DNAH9: variants seen among roughly 807,000 people sequenced by gnomAD.
The protein encoded by DNAH9 is DNAH9 variant protein.
Under a neutral mutation model 471.6 loss-of-function variants are expected in DNAH9, and 345 were observed. The ratio of observed to expected loss-of-function variants is 0.73; its 90% CI spans 0.67 to 0.80. The LOEUF is 0.80. DNAH9 is among the 30% of genes least tolerant of loss of function. The pLI is 0.00. For synonymous variants in DNAH9, 2,093 were observed against 2,123.6 expected (o/e 0.99, Z 0.40); for missense variants, 5,407 against 5,609.2 (o/e 0.96, Z 1.15).
intron 38 of DNAH9, 142 bp from the exon 39 acceptor site, chr17:11,780,867 C>T: frequency 1.2e-6 from 1 of 816,096 alleles, no homozygotes; most frequent in South Asian, 1.8e-5. Flanking sequence ...GCAGCAGTAG[C>T]TGTTATTATT....
At chr17:11,704,531 C>A in intron 25 of DNAH9, 89 bp downstream of exon 25, 1 of 1,275,796 alleles carries the variant, frequency 7.8e-7, no homozygotes, top group Non-Finnish European at 1.1e-6. Flanking sequence ...GCCCCAGGGT[C>A]TGTACAGCAC....
rs1170792765 is a variant in DNAH9, at chr17:11,854,318, T to C, written c.9823T>C (p.Phe3275Leu). ...LCSWVINIVR[F>L]YEVFCDVEPK... is the part of the protein sequence containing the mutation. ...CTCCTGGGTCATCAATATTGTGAGA[T>C]TTTATGAGGTGTTCTGTGATGTGGA... The change falls in exon 50 of 69, where the codon TTT (phenylalanine) becomes CTT (leucine). Residue 3275 changes from phenylalanine to leucine, a missense_variant. Coordinates refer to ENST00000262442, the MANE Select transcript of DNAH9 (RefSeq NM_001372.4). 1.9e-6 allele frequency: 3 copies of C among 1,614,036 alleles called. No individual in the cohort carries two copies. The highest frequency in any genetic ancestry group is 1.6e-4 in the Middle Eastern group (1 of 6,062).
intron 50 of DNAH9, among the ~76,000 whole-genome samples, chr17:11,859,852 A>T (rs1483152873): frequency 1.3e-5 from 2 of 152,126 alleles, no homozygotes; most frequent in Non-Finnish European, 2.9e-5. Context: ...CGCCCCCATG[A>T]TCCAATCACC....
intron 34 of DNAH9, among the ~76,000 whole-genome samples, chr17:11,756,999 C>T (rs2150858957): frequency 6.6e-6 from 1 of 152,182 alleles, no homozygotes; most frequent in Non-Finnish European, 1.5e-5. Context: ...TTTCATCTGT[C>T]TCCACTGAAC....
chr17:11,693,371 C>T (rs1023831952), intron 20 of DNAH9, among the ~76,000 whole-genome samples: 1 of 151,244 alleles, frequency 6.6e-6, no homozygotes, highest in Non-Finnish European at 1.5e-5. Flanking sequence ...ATGCCTCAGC[C>T]TCCCGAGTAG....
chr17:11,795,661 A>G (rs1031175447), intron 42 of DNAH9, among the ~76,000 whole-genome samples: 3 of 152,224 alleles, frequency 2.0e-5, no homozygotes, highest in Admixed American at 1.3e-4. Context: ...TTCTCTGAGC[A>G]TCATAGAGTT....
chr17:11,854,336 G>A lies in DNAH9; in HGVS notation c.9841G>A (p.Asp3281Asn), dbSNP rs1971543472. Residue 3281 changes from aspartate (D) to asparagine (N), a missense_variant, in exon 50 of 69, where the codon GAT (aspartate) becomes AAT (asparagine). By Grantham distance (23) the Asp-to-Asn change is conservative (BLOSUM62 1). Around this residue, in one of 3 missense-constraint regions of DNAH9, gnomAD observed 4,636 missense variants for 4,900.3 expected, o/e 0.95. Transcript: ENST00000262442. The part of the protein sequence containing the change: ...NIVRFYEVFC[D>N]VEPKRQALNK... ...TGTGAGATTTTATGAGGTGTTCTGT[G>A]ATGTGGAACCCAAGCGCCAGGCACT... The A allele has an allele frequency of 6.2e-7, 1 of 1,613,974 alleles. No homozygotes were observed. Among genetic ancestry groups the A allele is most frequent in the African/African-American group, 1.3e-5 (1 of 74,888 alleles).
intron 29 of DNAH9, among the ~76,000 whole-genome samples, chr17:11,740,156 C>T (rs1204782397): frequency 6.6e-6 from 1 of 152,178 alleles, no homozygotes; most frequent in Non-Finnish European, 1.5e-5. Context: ...CATTGTTGAC[C>T]ATTTGTTTCT....
intron 53 of DNAH9, among the ~76,000 whole-genome samples, chr17:11,878,080 C>A (rs1457851529): frequency 6.6e-6 from 1 of 152,138 alleles, no homozygotes; most frequent in East Asian, 1.9e-4. Flanking sequence ...AGTAATCCAA[C>A]CCTGGCCTTC....
intron 18 of DNAH9, 58 bp downstream of exon 18, chr17:11,680,037 G>T (rs983302829): frequency 7.0e-7 from 1 of 1,419,880 alleles, no homozygotes; most frequent in South Asian, 1.2e-5. Context: ...TAGGATTTCA[G>T]AATGGGGTAA....
At chr17:11,665,058 T>C in intron 15 of DNAH9, 90 bp downstream of exon 15, 1 of 1,219,114 alleles carries the variant, frequency 8.2e-7, no homozygotes, top group South Asian at 1.4e-5. Flanking sequence ...CTGAGTGCTC[T>C]GTGACTTTTC....
intron 4 of DNAH9, 106 bp downstream of exon 4, chr17:11,611,886 T>C (rs1376140517): frequency 1.8e-6 from 2 of 1,140,516 alleles, no homozygotes; most frequent in Non-Finnish European, 2.6e-6. Context: ...TCCTTGTAAA[T>C]TTCCGACCCG....
At chr17:11,929,676 G>A (rs1033014533) in intron 62 of DNAH9, among the ~76,000 whole-genome samples, 190 bp from the exon 63 acceptor site, 1 of 152,334 alleles carries the variant, frequency 6.6e-6, no homozygotes, top group East Asian at 1.9e-4. Flanking sequence ...GTGAGTGCAC[G>A]TAACGCCATT....
In DNAH9 at chr17:11,891,964, G is replaced by T. The variant is rs758616022; in HGVS notation, c.11283+17G>T. 1.2e-6 allele frequency: 2 copies of T among 1,608,936 alleles called. No individual in the cohort carries two copies. The highest frequency in any genetic ancestry group is 2.2e-5 in the South Asian group (2 of 90,556). On this transcript the variant is annotated intron_variant, in intron 58 of 68. Transcript: ENST00000262442. ...ACCTTTCAGGTAAAAGTGGATTGAA[G>T]AAGTTTCCAGAAAACAGGTTATTTT...
At chr17:11,861,376 A>C (rs1487216194) in intron 50 of DNAH9, among the ~76,000 whole-genome samples, 2 of 150,872 alleles carry the variant, frequency 1.3e-5, no homozygotes, top group African/African-American at 4.8e-5. Flanking sequence ...ATGGCTGCAT[A>C]GTATTCCATG....
intron 65 of DNAH9, 97 bp downstream of exon 65, chr17:11,934,168 T>C: frequency 7.4e-7 from 1 of 1,344,968 alleles, no homozygotes; most frequent in Non-Finnish European, 1.0e-6. Context: ...AAGCCTCTGC[T>C]GGGACATCAC....
intron 32 of DNAH9, among the ~76,000 whole-genome samples, chr17:11,752,566 C>G (rs778107416): frequency 2.0e-5 from 3 of 152,176 alleles, no homozygotes; most frequent in Non-Finnish European, 4.4e-5. Context: ...ACTCAGGAGG[C>G]TGAGGCAGGA....
chr17:11,694,084 AGTATGG>A, intron 21 of DNAH9, 86 bp downstream of exon 21: 1 of 1,515,632 alleles, frequency 6.6e-7, no homozygotes, highest in South Asian at 1.2e-5. Context: ...GGCAGAAGTG[AGTATGG>A]GTGCCTTGCA....
chr17:11,764,787 C>T (rs72813306), intron 36 of DNAH9, among the ~76,000 whole-genome samples: 14,867 of 151,878 alleles, frequency 0.098, 840 homozygotes, highest in African/African-American at 0.13. Flanking sequence ...ACAATAACAA[C>T]GATAAATAAG....
Sources: gnomAD v4.1 joint callset for allele counts (sites outside exome capture counted in the v4.1 genomes callset) on GRCh38, gnomAD v4.1.1 for gene constraint, gnomAD v4.1.1 regional missense constraint, MANE v1.5 for transcripts, NCBI Gene and HGNC (gene_info 2026-07-23, HGNC 2026-07-21) for gene names.